Variants in BMPR1B observed in about 807,000 individuals in gnomAD.
BMPR1B encodes bone morphogenetic protein receptor type-1B.
Under a neutral mutation model 59.1 loss-of-function variants are expected in BMPR1B, and 12 were observed. That is an observed-to-expected ratio of 0.20 (90% CI 0.13 to 0.33). The LOEUF (loss-of-function observed/expected upper bound fraction) is 0.33. Ranked by LOEUF, BMPR1B falls within the 10% of genes least tolerant of loss-of-function variation. The pLI is 1.00. For synonymous variants in BMPR1B, 237 were observed against 207.3 expected, an observed-to-expected ratio of 1.14 and a Z score of -1.23; for missense variants, 550 against 610.9, an observed-to-expected ratio of 0.90 and a Z score of 1.05.
intron 2 of BMPR1B, among the ~76,000 whole-genome samples, chr4:94,968,989 C>G (rs1435427309): frequency 6.6e-6 from 1 of 151,934 alleles, no homozygotes; most frequent in Non-Finnish European, 1.5e-5. Flanking sequence ...GTGGATTTTC[C>G]AGAAGTTAGA....
chr4:94,945,124 G>A (rs1236478601), intron 2 of BMPR1B, among the ~76,000 whole-genome samples: 1 of 152,148 alleles, frequency 6.6e-6, no homozygotes, highest in Non-Finnish European at 1.5e-5. Flanking sequence ...TAGCACATTG[G>A]CTAAGAAGGT....
At chr4:94,870,277 A>G (rs918170654) in intron 1 of BMPR1B, among the ~76,000 whole-genome samples, 2 of 151,776 alleles carry the variant, frequency 1.3e-5, no homozygotes, top group African/African-American at 4.9e-5. Context: ...TTGGCTCTCA[A>G]GGACCTTCGT....
chr4:95,055,253 A>G (rs928001075), intron 3 of BMPR1B, among the ~76,000 whole-genome samples: 16 of 152,120 alleles, frequency 1.1e-4, no homozygotes, highest in African/African-American at 3.9e-4. Flanking sequence ...CCTAGTTGAC[A>G]CTAATTTAAA....
At chr4:95,030,582 T>C (rs61547589) in intron 3 of BMPR1B, among the ~76,000 whole-genome samples, 144,978 of 151,930 alleles carry the variant, frequency 0.95, 69,208 homozygotes, top group Middle Eastern at 0.99. Flanking sequence ...GTCAAATTGT[T>C]CCTGTTTGCA....
chr4:94,905,111 CA>C (rs1727987795), intron 2 of BMPR1B, among the ~76,000 whole-genome samples: 1 of 151,780 alleles, frequency 6.6e-6, no homozygotes, highest in Non-Finnish European at 1.5e-5. Context: ...AGATATTGTC[CA>C]AAGATGGGGA....
intron 1 of BMPR1B, among the ~76,000 whole-genome samples, chr4:94,807,500 A>G (rs35966527): frequency 0.17 from 25,284 of 150,590 alleles, 2,228 homozygotes; most frequent in Non-Finnish European, 0.2. Context: ...ATGTTTAGTA[A>G]TTAATAATAA....
At chr4:95,134,195 T>C (rs1378768299) in intron 10 of BMPR1B, among the ~76,000 whole-genome samples, 2 of 152,252 alleles carry the variant, frequency 1.3e-5, no homozygotes, top group Admixed American at 6.5e-5. Flanking sequence ...CTACAAAGAA[T>C]ATGAACTCAT....
At position 95,000,458 on chromosome 4, in the gene BMPR1B, A is replaced by T. The variant is rs568152828; in HGVS notation, c.-18+4324A>T. ...GAGGCGGAGTTTGCAGTGAGCCAAG[A>T]TCACCCCACTGCACTCCAGCCTGGC... On this transcript the variant is annotated intron_variant, in intron 3 of 12. Transcript: ENST00000515059. 2.6e-5 allele frequency among the ~76,000 whole-genome samples: 4 copies of T among 152,086 alleles called. No homozygotes were observed. The South Asian group carries it at 6.2e-4, about 24-fold the overall frequency.
At chr4:95,078,086 A>G (rs1485973587) in intron 3 of BMPR1B, among the ~76,000 whole-genome samples, 1 of 152,210 alleles carries the variant, frequency 6.6e-6, no homozygotes, top group Admixed American at 6.5e-5. Flanking sequence ...GATACTTAGC[A>G]GTACCAGCAG....
chr4:94,778,595 C>T (rs545426004), intron 1 of BMPR1B, among the ~76,000 whole-genome samples: 14 of 152,222 alleles, frequency 9.2e-5, no homozygotes, highest in Admixed American at 2.0e-4. Context: ...ATGTATAAGA[C>T]GGTGCTATAT....
chr4:95,092,388 T>C (rs1477944574), intron 3 of BMPR1B, among the ~76,000 whole-genome samples: 2 of 152,042 alleles, frequency 1.3e-5, no homozygotes, highest in Non-Finnish European at 2.9e-5. Flanking sequence ...TTAAACAGTT[T>C]TCTTTGGTTT....
chr4:95,142,654 C>T (rs1000884450), intron 10 of BMPR1B, among the ~76,000 whole-genome samples: 3 of 152,052 alleles, frequency 2.0e-5, no homozygotes, highest in African/African-American at 4.8e-5. Flanking sequence ...TGCCCAAAGG[C>T]TCAATGAGGT....
At chr4:95,134,738 G>C (rs1733641608) in intron 10 of BMPR1B, among the ~76,000 whole-genome samples, 1 of 152,020 alleles carries the variant, frequency 6.6e-6, no homozygotes, top group African/African-American at 2.4e-5. Context: ...AAATTTGTTT[G>C]AGTTCTTTGT....
chr4:95,141,383 G>A (rs901402603), intron 10 of BMPR1B, among the ~76,000 whole-genome samples: 2 of 152,156 alleles, frequency 1.3e-5, no homozygotes, highest in African/African-American at 4.8e-5. Flanking sequence ...CTTCCTGTGA[G>A]ACAGTCTCTG....
chr4:94,964,624 G>A lies in BMPR1B; in HGVS notation c.-112-31416G>A, dbSNP rs368684902. On this transcript the variant is annotated intron_variant, in intron 2 of 12. Transcript: ENST00000515059. ...AGTATAATATATAAAATGGATTAAA[G>A]CGGAGATGCCATTTCTCCTTCTAAG... 4.9e-4 allele frequency among the ~76,000 whole-genome samples: 75 copies of A among 152,242 alleles called. 1 individual carries two copies. Among genetic ancestry groups the A allele is most frequent in the African/African-American group, 1.8e-3 (73 of 41,570 alleles).
At chr4:95,041,257 C>T (rs986170578) in intron 3 of BMPR1B, among the ~76,000 whole-genome samples, 2 of 152,064 alleles carry the variant, frequency 1.3e-5, no homozygotes, top group Non-Finnish European at 2.9e-5. Context: ...CTATGTTGCC[C>T]AGGTTGGTCT....
chr4:94,826,190 A>G (rs1441394958), intron 1 of BMPR1B, among the ~76,000 whole-genome samples: 2 of 152,260 alleles, frequency 1.3e-5, no homozygotes, highest in East Asian at 3.8e-4. Context: ...TAAGTGAAAC[A>G]TTAGTTCTTA....
intron 2 of BMPR1B, among the ~76,000 whole-genome samples, chr4:94,943,574 C>T (rs1240273440): frequency 6.6e-6 from 1 of 152,132 alleles, no homozygotes; most frequent in African/African-American, 2.4e-5. Context: ...TAGGATAGTG[C>T]CCTGTACCAA....
At chr4:95,135,362 T>C (rs1317039999) in intron 10 of BMPR1B, among the ~76,000 whole-genome samples, 3 of 152,168 alleles carry the variant, frequency 2.0e-5, no homozygotes, top group Non-Finnish European at 4.4e-5. Context: ...TTTGGTTCCA[T>C]ATAAACTTTA....
Sources: allele counts gnomAD v4.1 joint callset (sites outside exome capture counted in the v4.1 genomes callset), GRCh38; gene constraint gnomAD v4.1.1; transcripts MANE v1.5; gene names NCBI Gene and HGNC (gene_info 2026-07-23, HGNC 2026-07-21).